SLC17A3: variants seen among roughly 807,000 people sequenced by gnomAD.
SLC17A3 encodes the protein solute carrier family 17 member 3.
In SLC17A3, 61 loss-of-function variants were observed where a neutral mutation model predicts 60.3. The ratio of observed to expected loss-of-function variants is 1.01; its 90% confidence interval spans 0.82 to 1.25. The LOEUF (loss-of-function observed/expected upper bound fraction) is 1.25, where lower values mean the gene tolerates loss of function less well. Ranked by LOEUF, SLC17A3 falls within the 50% of genes most tolerant of loss-of-function variation. SLC17A3 has a pLI of 0.00. For missense variants in SLC17A3, 624 were observed against 594.9 expected (o/e 1.05, Z -0.51); for synonymous variants, 192 against 208.9 (o/e 0.92, Z 0.70).
intron 11 of SLC17A3, among the ~76,000 whole-genome samples, chr6:25,847,886 C>G (rs764443979): frequency 5.9e-5 from 9 of 152,046 alleles, no homozygotes; most frequent in Non-Finnish European, 1.2e-4. Context: ...GTCTTTTAAC[C>G]CTTACCCCCT....
intron 6 of SLC17A3, among the ~76,000 whole-genome samples, chr6:25,852,156 T>C (rs1247607497): frequency 6.6e-6 from 1 of 152,152 alleles, no homozygotes; most frequent in Non-Finnish European, 1.5e-5. Context: ...TTTAAAGATG[T>C]TGTTCCACTG....
chr6:25,855,164 G>T lies in SLC17A3; in HGVS notation c.692C>A (p.Pro231His), dbSNP rs774432368. 8.1e-6 allele frequency: 13 copies of T among 1,612,526 alleles called. No homozygotes were observed. The highest frequency in any genetic ancestry group is 1.1e-5 in the Non-Finnish European group (13 of 1,178,934). Residue 231 changes from proline (P) to histidine (H), a missense_variant, in exon 6 of 13, where the codon CCC becomes CAC. Transcript: ENST00000397060. Reference protein sequence around the residue: ...GGFISETLGWPFVFYIFGGVG... With the variant: ...GGFISETLGWHFVFYIFGGVG... ...CTTACCAAAGATATAGAAGACAAAG[G>T]GCCACCCAAGGGTTTCACTAATGAA... is the stretch of plus-strand genomic sequence containing the variant.
At chr6:25,861,295 A>G (rs1765441801) in intron 5 of SLC17A3, among the ~76,000 whole-genome samples, 1 of 151,102 alleles carries the variant, frequency 6.6e-6, no homozygotes. Context: ...AACCATATAA[A>G]CTGAAGAAAA....
At chr6:25,868,584 C>A (rs1765579383) in intron 1 of SLC17A3, 164 bp from the exon 2 acceptor site, 5 of 586,802 alleles carry the variant, frequency 8.5e-6, no homozygotes, top group South Asian at 7.9e-5. Context: ...AAGCATACTG[C>A]ACGTAAGGTT....
intron 1 of SLC17A3, among the ~76,000 whole-genome samples, chr6:25,873,514 C>T (rs1765678052): frequency 6.6e-6 from 1 of 152,070 alleles, no homozygotes; most frequent in Non-Finnish European, 1.5e-5. Context: ...GCCTTGAGGA[C>T]TCCCTGATTC....
intron 5 of SLC17A3, among the ~76,000 whole-genome samples, chr6:25,858,217 C>A (rs1297713350): frequency 2.0e-5 from 3 of 152,048 alleles, no homozygotes; most frequent in Non-Finnish European, 2.9e-5. Context: ...CCTTCAGAAC[C>A]CCCTCCATGC....
At chr6:25,854,389 G>A (rs1189859786) in intron 6 of SLC17A3, among the ~76,000 whole-genome samples, 1 of 151,932 alleles carries the variant, frequency 6.6e-6, no homozygotes, top group Non-Finnish European at 1.5e-5. Flanking sequence ...TTGTTCTGAA[G>A]CCATTCTTAT....
At chr6:25,858,204 C>A (rs1780969) in intron 5 of SLC17A3, among the ~76,000 whole-genome samples, 341 of 88,276 alleles carry the variant, frequency 3.9e-3, no homozygotes, top group African/African-American at 0.015. Flanking sequence ...AAACAAAACA[C>A]ACCCTTCAGA....
chr6:25,846,321 C>A (rs1765174003), intron 11 of SLC17A3, among the ~76,000 whole-genome samples: 1 of 152,100 alleles, frequency 6.6e-6, no homozygotes, highest in African/African-American at 2.4e-5. Flanking sequence ...AATAGCCAAA[C>A]AACTCAAATG....
chr6:25,854,263 T>G (rs962278629), intron 6 of SLC17A3, among the ~76,000 whole-genome samples: 5 of 152,178 alleles, frequency 3.3e-5, no homozygotes, highest in African/African-American at 1.2e-4. Context: ...TAATTGTGGA[T>G]TTGTTGATTT....
At chr6:25,852,074 T>C (rs1297739997) in intron 6 of SLC17A3, among the ~76,000 whole-genome samples, 1 of 152,080 alleles carries the variant, frequency 6.6e-6, no homozygotes, top group Non-Finnish European at 1.5e-5. Context: ...CTTTTTTTTT[T>C]CACTGGGTCT....
At position 25,861,321 on chromosome 6, in the gene SLC17A3, GT is replaced by G. The variant is rs543115885; in HGVS notation, c.625+302del. ...CTGAAGAAAAAAAAGCATGGGTGGA[GT>G]TTTTTTTATAACCTTTCCATCTATG... On this transcript the variant is annotated intron_variant, in intron 5 of 12. Coordinates refer to ENST00000397060, the MANE Select transcript of SLC17A3 (RefSeq NM_001098486.2). 1.5e-4 allele frequency among the ~76,000 whole-genome samples: 23 copies of G among 152,052 alleles called. No homozygotes were observed. In the South Asian group the frequency reaches 3.5e-3, roughly 23 times the overall value.
At position 25,862,381 on chromosome 6, in the gene SLC17A3, G is replaced by A. The variant is rs756988365; in HGVS notation, c.155C>T (p.Thr52Met). 1.2e-5 allele frequency: 20 copies of A among 1,613,548 alleles called. No homozygotes were observed. The highest frequency in any genetic ancestry group is 1.6e-4 in the Middle Eastern group (1 of 6,084). ...ALVLHFCNFT[T>M]IAQNVIMNIT... ...GTTCATGATGACATTTTGTGCTATC[G>A]TTGTGAAATTGCAGAAATGTAAGAC... Residue 52 changes from threonine (T) to methionine (M), a missense_variant, in exon 3 of 13, where the codon ACG becomes ATG. Coordinates refer to ENST00000397060, the MANE Select transcript of SLC17A3 (RefSeq NM_001098486.2).
intron 6 of SLC17A3, among the ~76,000 whole-genome samples, chr6:25,854,658 T>C (rs1765330682): frequency 6.6e-6 from 1 of 152,218 alleles, no homozygotes; most frequent in African/African-American, 2.4e-5. Context: ...AATAACTAAA[T>C]GGAAGGCTTT....
chr6:25,847,683 C>A (rs1156418242), intron 11 of SLC17A3, among the ~76,000 whole-genome samples: 1 of 151,288 alleles, frequency 6.6e-6, no homozygotes, highest in Non-Finnish European at 1.5e-5. Flanking sequence ...TTTTTTCATA[C>A]CTTTGTTGGC....
At position 25,845,508 on chromosome 6, in the gene SLC17A3, C is replaced by G. The variant is rs1273059708; in HGVS notation, c.1371G>C (p.Glu457Asp). Residue 457 changes from glutamate (E) to aspartate (D), a missense_variant, in exon 12 of 13, where the codon GAG (glutamate) becomes GAC (aspartate). Coordinates refer to ENST00000397060, the MANE Select transcript of SLC17A3 (RefSeq NM_001098486.2). ...AGAAGAAGACATTCCTCCACCCAAA[C>G]TCAGGGTCCTGGAGACACAAAACCC... ...VSGFLLSQDP[E>D]FGWRNVFFLL... The G allele has an allele frequency of 1.2e-6, 2 of 1,614,046 alleles. No individual in the cohort carries two copies. Among genetic ancestry groups the G allele is most frequent in the Non-Finnish European group, 1.7e-6 (2 of 1,179,944 alleles).
chr6:25,855,010 T>C (rs1765335777), intron 6 of SLC17A3, 134 bp downstream of exon 6: 1 of 695,776 alleles, frequency 1.4e-6, no homozygotes, highest in African/African-American at 1.8e-5. Context: ...ATTATTCCCT[T>C]AGATTAAGAT....
intron 5 of SLC17A3, among the ~76,000 whole-genome samples, chr6:25,859,185 A>G (rs1177441): frequency 0.15 from 23,330 of 152,196 alleles, 2,198 homozygotes; most frequent in African/African-American, 0.27. Context: ...TTTACTAAGA[A>G]TACCATGTTT....
rs1765152289 is a variant in SLC17A3 at position 25,845,250 on chromosome 6, A to G, written c.*51T>C. 1.9e-6 allele frequency: 2 copies of G among 1,069,562 alleles called. No homozygotes were observed. Among genetic ancestry groups the G allele is most frequent in the Non-Finnish European group, 2.8e-6 (2 of 712,822 alleles). 66.3% of individuals were successfully genotyped at this position (1,069,562 alleles called of 1,614,324 possible). The stretch of plus-strand genomic sequence containing the variant: ...GGTATTTTCATCACGGAAGCCTTCT[A>G]TTTTATGCAATACGGTGCCTAATGA... On this transcript the variant is annotated 3_prime_UTR_variant, in exon 13 of 13. Transcript: ENST00000397060.
Sources: allele counts gnomAD v4.1 joint callset (sites outside exome capture counted in the v4.1 genomes callset), GRCh38; gene constraint gnomAD v4.1.1; transcripts MANE v1.5; gene names NCBI Gene and HGNC (gene_info 2026-07-23, HGNC 2026-07-21).